The following CCSER2 variants were observed in gnomAD, a reference collection of about 807,000 sequenced individuals.
CCSER2 encodes coiled-coil serine rich protein 2, also known as serine-rich coiled-coil domain-containing protein 2.
A neutral mutation model predicts 92.3 loss-of-function variants in CCSER2; 46 were observed. The ratio of observed to expected loss-of-function variants is 0.50; its 90% CI spans 0.39 to 0.64. The LOEUF (loss-of-function observed/expected upper bound fraction) is 0.64, where lower values mean the gene tolerates loss of function less well. Among genes scored for constraint, CCSER2 ranks in the 30% least tolerant of loss-of-function variants. CCSER2 has a pLI of 0.00. For synonymous variants in CCSER2, 433 were observed against 431.4 expected, an observed-to-expected ratio of 1.00 and a Z score of -0.04; for missense variants, 1,244 against 1,238.9, an observed-to-expected ratio of 1.00 and a Z score of -0.06.
intron 3 of CCSER2, 153 bp downstream of exon 3, chr10:84,373,968 CTCTA>C (rs1256776016): frequency 7.1e-7 from 1 of 1,418,014 alleles, no homozygotes; most frequent in East Asian, 2.5e-5. Flanking sequence ...AAATATCTGA[CTCTA>C]ATATGAAATA....
intron 6 of CCSER2, among the ~76,000 whole-genome samples, chr10:84,458,578 AT>A: frequency 6.6e-6 from 1 of 152,210 alleles, no homozygotes; most frequent in East Asian, 1.9e-4. Flanking sequence ...TTCTGCTGGG[AT>A]TTTGATAGGG....
At chr10:84,403,461 G>A (rs1842223097) in intron 3 of CCSER2, among the ~76,000 whole-genome samples, 1 of 152,128 alleles carries the variant, frequency 6.6e-6, no homozygotes, top group South Asian at 2.1e-4. Flanking sequence ...AAAAATGTTT[G>A]CATTGCAAAA....
Position 84,425,832 on chromosome 10 carries a change from G to C in CCSER2, c.1807G>C (p.Glu603Gln), listed in dbSNP as rs1177256720. ...KRPPQRWSGQ[E>Q]HYHLSHPDHY... ...GCCACCCCAGAGGTGGAGTGGACAG[G>C]AGCATTACCACCTCAGCCACCCTGA... Residue 603 changes from glutamate (E) to glutamine (Q), a missense_variant, in exon 5 of 10, where the codon GAG becomes CAG. Physicochemically the swap from Glu to Gln is conservative, Grantham distance 29 (BLOSUM62 2). Coordinates refer to ENST00000372088, the MANE Select transcript of CCSER2 (RefSeq NM_001284240.2). 3.7e-6 allele frequency: 6 copies of C among 1,613,068 alleles called. No homozygotes were observed. Among genetic ancestry groups the C allele is most frequent in the Non-Finnish European group, 5.1e-6 (6 of 1,179,338 alleles).
chr10:84,508,752 A>G (rs1383895487), intron 9 of CCSER2, among the ~76,000 whole-genome samples: 1 of 152,146 alleles, frequency 6.6e-6, no homozygotes, highest in Non-Finnish European at 1.5e-5. Flanking sequence ...TAGCAACCTC[A>G]TATTCTAGTT....
chr10:84,402,382 A>G (rs1485460862), intron 3 of CCSER2, among the ~76,000 whole-genome samples: 1 of 152,208 alleles, frequency 6.6e-6, no homozygotes, highest in African/African-American at 2.4e-5. Flanking sequence ...GCATATTGAA[A>G]CTAACATGTA....
At chr10:84,342,430 T>G (rs552375617) in intron 1 of CCSER2, among the ~76,000 whole-genome samples, 2 of 152,358 alleles carry the variant, frequency 1.3e-5, no homozygotes, top group African/African-American at 4.8e-5. Flanking sequence ...TACTCCTGCC[T>G]TAACTCTTGT....
Position 84,463,940 on chromosome 10 carries a change from G to T in CCSER2, c.2072G>T (p.Gly691Val), listed in dbSNP as rs781109178. 1.3e-5 allele frequency: 21 copies of T among 1,604,798 alleles called. No homozygotes were observed. In the East Asian group the frequency reaches 4.7e-4, roughly 36 times the overall value. The change falls in exon 7 of 10, where the codon GGA (glycine) becomes GTA (valine). Residue 691 changes from glycine (G) to valine (V), a missense_variant. By Grantham distance (109) the Gly-to-Val change is moderately radical. Transcript: ENST00000372088. ...TTCCCTTCTTTCTGACAGCATGATG[G>T]AAGTGGTTCATTGCATGATATTCAA... The part of the protein sequence containing the change: ...KLKRLLHQHD[G>V]SGSLHDIQLS...
intron 1 of CCSER2, among the ~76,000 whole-genome samples, chr10:84,356,541 T>A (rs1478125220): frequency 2.6e-5 from 4 of 152,310 alleles, no homozygotes; most frequent in Middle Eastern, 6.8e-3. Context: ...TTTAAAAAAA[T>A]GTTTTATGCC....
chr10:84,485,283 G>A (rs1052051676), intron 9 of CCSER2, among the ~76,000 whole-genome samples: 1 of 152,164 alleles, frequency 6.6e-6, no homozygotes, highest in South Asian at 2.1e-4. Flanking sequence ...TATAACTTGT[G>A]TAGTAATGAT....
chr10:84,407,570 C>T (rs1842440389), intron 3 of CCSER2, among the ~76,000 whole-genome samples: 1 of 152,234 alleles, frequency 6.6e-6, no homozygotes, highest in South Asian at 2.1e-4. Flanking sequence ...CTCACTGACA[C>T]TGATTAGTAT....
intron 6 of CCSER2, among the ~76,000 whole-genome samples, chr10:84,442,784 A>G (rs1245098389): frequency 1.3e-5 from 2 of 152,226 alleles, no homozygotes; most frequent in Non-Finnish European, 2.9e-5. Context: ...GCTGGTACCA[A>G]AACAGATATA....
intron 9 of CCSER2, among the ~76,000 whole-genome samples, chr10:84,482,041 C>G (rs1276409558): frequency 6.6e-6 from 1 of 151,858 alleles, no homozygotes; most frequent in East Asian, 1.9e-4. Flanking sequence ...ACAAAGCAGC[C>G]CTGGACCTAA....
At chr10:84,389,422 C>T (rs544517349) in intron 3 of CCSER2, 131 of 483,052 alleles carry the variant, frequency 2.7e-4, no homozygotes, top group African/African-American at 4.7e-4. Context: ...CTTTGATGAT[C>T]GGTGCAGAGG....
chr10:84,413,924 C>G (rs966899305), intron 3 of CCSER2, among the ~76,000 whole-genome samples: 4 of 151,978 alleles, frequency 2.6e-5, no homozygotes, highest in Admixed American at 1.3e-4. Context: ...CTTTTTTGAT[C>G]TTTGTTGGTT....
intron 5 of CCSER2, among the ~76,000 whole-genome samples, chr10:84,431,038 C>G (rs1184202234): frequency 1.3e-5 from 2 of 152,134 alleles, no homozygotes; most frequent in African/African-American, 4.8e-5. Context: ...TGCTTTCTCA[C>G]CTTCCATTAG....
chr10:84,392,653 G>A (rs760251892), intron 3 of CCSER2, among the ~76,000 whole-genome samples: 33 of 151,956 alleles, frequency 2.2e-4, no homozygotes, highest in Non-Finnish European at 4.4e-4. Flanking sequence ...GTTCTTGGAA[G>A]TTACAATTTA....
At chr10:84,475,827 T>C (rs1847103418) in intron 8 of CCSER2, among the ~76,000 whole-genome samples, 1 of 152,146 alleles carries the variant, frequency 6.6e-6, no homozygotes, top group Non-Finnish European at 1.5e-5. Flanking sequence ...CTTGATTATA[T>C]ATTGAATTTG....
chr10:84,440,942 T>TA (rs1844496159), intron 6 of CCSER2, among the ~76,000 whole-genome samples: 1 of 152,230 alleles, frequency 6.6e-6, no homozygotes, highest in Non-Finnish European at 1.5e-5. Flanking sequence ...TGCCTGTTTT[T>TA]ATCTCTGGAA....
At chr10:84,346,758 T>C (rs957510853) in intron 1 of CCSER2, among the ~76,000 whole-genome samples, 2 of 144,912 alleles carry the variant, frequency 1.4e-5, no homozygotes, top group African/African-American at 5.0e-5. Flanking sequence ...ATTTCTTTTT[T>C]TTTATATATA....
Sources: allele counts gnomAD v4.1 joint callset (sites outside exome capture counted in the v4.1 genomes callset), GRCh38; gene constraint gnomAD v4.1.1; transcripts MANE v1.5; gene names NCBI Gene and HGNC (gene_info 2026-07-23, HGNC 2026-07-21).